Variants in SRD5A2 observed in about 807,000 individuals in gnomAD.
SRD5A2 encodes the protein 3-oxo-5-alpha-steroid 4-dehydrogenase 2.
Under a neutral mutation model 27.4 loss-of-function variants are expected in SRD5A2, and 30 were observed. The ratio of observed to expected loss-of-function variants is 1.10; its 90% CI spans 0.82 to 1.49. The LOEUF (loss-of-function observed/expected upper bound fraction) is 1.49. Ranked by LOEUF, SRD5A2 falls within the 40% of genes most tolerant of loss-of-function variation. The pLI is 0.00. For missense variants in SRD5A2, 348 were observed against 323.4 expected, an observed-to-expected ratio of 1.08 and a Z score of -0.58; for synonymous variants, 141 against 133.6, an observed-to-expected ratio of 1.06 and a Z score of -0.38.
intron 1 of SRD5A2, among the ~76,000 whole-genome samples, chr2:31,554,401 G>A (rs768318755): frequency 1.3e-5 from 2 of 152,274 alleles, no homozygotes; most frequent in South Asian, 2.1e-4. Context: ...CTGTGATTAC[G>A]GAGATGAAGA....
chr2:31,612,092 A>T, the SRD5A2 span, among the ~76,000 whole-genome samples: 7 of 152,086 alleles, frequency 4.6e-5, no homozygotes, highest in African/African-American at 1.7e-4. Flanking sequence ...AGCTGGGCCA[A>T]TATGGTGAAA....
the SRD5A2 span, chr2:31,651,556 A>C: frequency 5.6e-6 from 1 of 178,194 alleles, no homozygotes; most frequent in African/African-American, 2.4e-5. Flanking sequence ...AGTGCAGCCA[A>C]GAAAATTGCT....
chr2:31,591,724 C>T, the SRD5A2 span, among the ~76,000 whole-genome samples: 162 of 133,660 alleles, frequency 1.2e-3, no homozygotes, highest in African/African-American at 4.2e-3. Context: ...CAAGAAAATG[C>T]GGCACATATA....
intron 1 of SRD5A2, among the ~76,000 whole-genome samples, chr2:31,576,368 T>C (rs1440048614): frequency 3.3e-5 from 1 of 30,432 alleles, no homozygotes; most frequent in East Asian, 5.3e-4. Context: ...AAAGAAGACA[T>C]TTATGCAGCC....
At chr2:31,618,136 C>T in the SRD5A2 span, among the ~76,000 whole-genome samples, 2 of 152,144 alleles carry the variant, frequency 1.3e-5, no homozygotes, top group Admixed American at 6.6e-5. Flanking sequence ...TACATGGCAG[C>T]AGGCAAGAGA....
chr2:31,661,329 G>A, the SRD5A2 span, among the ~76,000 whole-genome samples: 10 of 152,124 alleles, frequency 6.6e-5, no homozygotes, highest in Non-Finnish European at 1.2e-4. Flanking sequence ...TGCCTCCATG[G>A]TCAGGTGTTC....
At chr2:31,584,121 G>A (rs1019790120), upstream of SRD5A2, among the ~76,000 whole-genome samples, 1 of 152,146 alleles carries the variant, frequency 6.6e-6, no homozygotes, top group Admixed American at 6.5e-5. Flanking sequence ...AGTGGTTGGG[G>A]AACGTATGAG....
At chr2:31,616,368 T>C in the SRD5A2 span, among the ~76,000 whole-genome samples, 1 of 152,044 alleles carries the variant, frequency 6.6e-6, no homozygotes, top group African/African-American at 2.4e-5. Context: ...AGCGTGCACC[T>C]GGAAAAGCAA....
the SRD5A2 span, among the ~76,000 whole-genome samples, chr2:31,646,548 C>T: frequency 0.016 from 2,361 of 152,234 alleles, 36 homozygotes; most frequent in South Asian, 0.028. Context: ...AGAACCTAGT[C>T]ACTTGGCTGC....
At chr2:31,629,566 C>A in the SRD5A2 span, among the ~76,000 whole-genome samples, 2 of 152,120 alleles carry the variant, frequency 1.3e-5, no homozygotes, top group Admixed American at 6.6e-5. Context: ...GGCTTTCTAG[C>A]AATCCCCAAC....
the SRD5A2 span, among the ~76,000 whole-genome samples, chr2:31,655,828 G>A: frequency 6.6e-6 from 1 of 152,180 alleles, no homozygotes; most frequent in Admixed American, 6.5e-5. Flanking sequence ...CCACTGGAAA[G>A]AACCTACTAG....
the SRD5A2 span, among the ~76,000 whole-genome samples, chr2:31,629,582 T>C: frequency 6.6e-6 from 1 of 152,120 alleles, no homozygotes; most frequent in Non-Finnish European, 1.5e-5. Flanking sequence ...CCAACCCTTC[T>C]GGGTTGGGAG....
At chr2:31,621,938 C>A in the SRD5A2 span, among the ~76,000 whole-genome samples, 8 of 142,216 alleles carry the variant, frequency 5.6e-5, no homozygotes, top group African/African-American at 2.1e-4. Flanking sequence ...CCACTCTACC[C>A]TGACAGGTTT....
chr2:31,646,914 A>G, the SRD5A2 span, among the ~76,000 whole-genome samples: 3 of 152,300 alleles, frequency 2.0e-5, no homozygotes, highest in African/African-American at 7.2e-5. Flanking sequence ...TGGGAGGTCA[A>G]GGCGGGCAGA....
chr2:31,528,826 C>T (rs1665836795), intron 4 of SRD5A2, among the ~76,000 whole-genome samples: 1 of 152,062 alleles, frequency 6.6e-6, no homozygotes, highest in East Asian at 1.9e-4. Flanking sequence ...AAAGTGCTGG[C>T]CATGGTCCCA....
chr2:31,594,049 C>T, the SRD5A2 span, among the ~76,000 whole-genome samples: 1 of 152,112 alleles, frequency 6.6e-6, no homozygotes, highest in Non-Finnish European at 1.5e-5. Context: ...AAAAGAAATT[C>T]TAAATATTGA....
At chr2:31,641,467 A>G in the SRD5A2 span, among the ~76,000 whole-genome samples, 2 of 152,222 alleles carry the variant, frequency 1.3e-5, no homozygotes, top group African/African-American at 4.8e-5. Context: ...GCAGGCTTAC[A>G]TTACAAGAAA....
chr2:31,592,806 C>T, the SRD5A2 span, among the ~76,000 whole-genome samples: 1 of 152,192 alleles, frequency 6.6e-6, no homozygotes, highest in Non-Finnish European at 1.5e-5. Context: ...ATCACACTAG[C>T]TGTCCAGCAA....
At chr2:31,616,836 G>T in the SRD5A2 span, among the ~76,000 whole-genome samples, 213 of 152,178 alleles carry the variant, frequency 1.4e-3, no homozygotes, top group African/African-American at 5.0e-3. Context: ...ATTTAGGAGG[G>T]GCCAGATACA....
Sources: allele counts gnomAD v4.1 joint callset (sites outside exome capture counted in the v4.1 genomes callset), GRCh38; gene constraint gnomAD v4.1.1; transcripts MANE v1.5; gene names NCBI Gene and HGNC (gene_info 2026-07-23, HGNC 2026-07-21).